CDC42BPB: variants seen among roughly 807,000 people sequenced by gnomAD.
The protein encoded by CDC42BPB is CDC42 binding protein kinase beta.
CDC42BPB carries 37 observed loss-of-function variants against 214.9 expected under a neutral mutation model. The observed-to-expected ratio is 0.17, with a 90% CI of 0.13 to 0.23. CDC42BPB has a LOEUF of 0.23. Among genes scored for constraint, CDC42BPB ranks in the 10% least tolerant of loss-of-function variants. CDC42BPB has a pLI of 1.00. For synonymous variants in CDC42BPB, 931 were observed against 884.0 expected (o/e 1.05, Z -0.94); for missense variants, 1,694 against 2,227.0 (o/e 0.76, Z 4.82).
rs1893974353 is a variant in CDC42BPB at position 102,981,041 on chromosome 14, C to T, written c.892-20G>A. 1 of 1,613,650 alleles carries T rather than the reference C, an allele frequency of 6.2e-7. No individual in the cohort carries two copies. Among genetic ancestry groups the T allele is most frequent in the Non-Finnish European group, 8.5e-7 (1 of 1,179,808 alleles). ...TCGCTCCTGCAAGGGGTGGCAAAAA[C>T]ACCGGTGGACAGGTGGACGCATTCA... On this transcript the variant is annotated intron_variant, in intron 7 of 36. Coordinates refer to ENST00000361246, the MANE Select transcript of CDC42BPB (RefSeq NM_006035.4).
rs924154033 is a variant in CDC42BPB, at chr14:102,933,550, C to G, written c.*162G>C. The G allele has an allele frequency of 1.0e-5, 6 of 586,720 alleles. No homozygotes were observed. Among genetic ancestry groups the G allele is most frequent in the Non-Finnish European group, 1.6e-5 (6 of 368,206 alleles). The allele number at this position is 586,720 out of a possible 1,614,324, so 36.3% of individuals were successfully genotyped here. ...TGGTCTACTGCCACGAACAATGCGGCATAAAACTGATCAATATTATAATAA... is the reference window on the plus strand; with the variant it reads ...TGGTCTACTGCCACGAACAATGCGGGATAAAACTGATCAATATTATAATAA... On this transcript the variant is annotated 3_prime_UTR_variant, in exon 37 of 37. Transcript: ENST00000361246.
At chr14:102,946,904 C>T in intron 27 of CDC42BPB, 1 of 983,190 alleles carries the variant, frequency 1.0e-6, no homozygotes, top group Non-Finnish European at 1.2e-6. Flanking sequence ...AGATCGCTTC[C>T]TGGTCCCATT....
intron 1 of CDC42BPB, among the ~76,000 whole-genome samples, chr14:103,048,119 G>C (rs926081039): frequency 6.6e-6 from 1 of 152,122 alleles, no homozygotes; most frequent in African/African-American, 2.4e-5. Context: ...CAGGACACCC[G>C]GCCCAGGCTG....
At chr14:102,960,564 C>T (rs966865331) in intron 20 of CDC42BPB, among the ~76,000 whole-genome samples, 1 of 151,806 alleles carries the variant, frequency 6.6e-6, no homozygotes, top group Non-Finnish European at 1.5e-5. Context: ...TGAGGCTGCA[C>T]GTGCCACTGC....
chr14:102,952,673 A>G, intron 23 of CDC42BPB, 70 bp from the exon 24 acceptor site: 1 of 1,564,064 alleles, frequency 6.4e-7, no homozygotes, highest in South Asian at 1.2e-5. Flanking sequence ...TCTGCCTGTG[A>G]TCCAGTTTAT....
intron 1 of CDC42BPB, among the ~76,000 whole-genome samples, chr14:103,056,645 A>T (rs1396440790): frequency 1.8e-5 from 2 of 109,118 alleles, no homozygotes; most frequent in East Asian, 2.9e-4. Context: ...GGGTGGATCT[A>T]GGAAGCCGCC....
In CDC42BPB at chr14:103,020,216, T is replaced by C. The variant is rs559034648; in HGVS notation, c.176-8028A>G. Among the ~76,000 whole-genome samples the C allele has an allele frequency of 3.3e-5, 5 of 152,346 alleles. No individual in the cohort carries two copies. In the South Asian group the frequency reaches 1.0e-3, roughly 32 times the overall value. Reference sequence around the variant, plus strand: ...TGGAATTGGAAAGAGTCTGACAGGTTATCCATTACGAATAATACCTTTTAC... The same window carrying C: ...TGGAATTGGAAAGAGTCTGACAGGTCATCCATTACGAATAATACCTTTTAC... On this transcript the variant is annotated intron_variant, in intron 1 of 36. Coordinates refer to ENST00000361246, the MANE Select transcript of CDC42BPB (RefSeq NM_006035.4).
At chr14:103,003,193 G>A (rs1017180708) in intron 4 of CDC42BPB, among the ~76,000 whole-genome samples, 2 of 152,122 alleles carry the variant, frequency 1.3e-5, no homozygotes, top group Admixed American at 6.6e-5. Flanking sequence ...CCCGCGTCAC[G>A]TCCACCCAGA....
chr14:103,004,053 G>A lies in CDC42BPB; in HGVS notation c.352-30C>T. Reference sequence around the variant, plus strand: ...AAAGCAACGAGGGGTGTCAGTCTGTGTTCACTGGGAAGCAGGCCAGAGAGC... The same window carrying A: ...AAAGCAACGAGGGGTGTCAGTCTGTATTCACTGGGAAGCAGGCCAGAGAGC... On this transcript the variant is annotated intron_variant, in intron 3 of 36. Transcript: ENST00000361246. This position sits in a 1 kb window ranked among gnomAD's most constrained non-coding sequence, Gnocchi z 5.3. The A allele has an allele frequency of 6.4e-7, 1 of 1,569,228 alleles. No individual in the cohort carries two copies.
At chr14:102,973,482 A>G (rs1014253979) in intron 12 of CDC42BPB, among the ~76,000 whole-genome samples, 1 of 152,210 alleles carries the variant, frequency 6.6e-6, no homozygotes, top group East Asian at 1.9e-4. Flanking sequence ...AATCACCCAG[A>G]TTTTAACACA....
intron 13 of CDC42BPB, chr14:102,970,475 GCTTA>G: frequency 1.6e-6 from 1 of 624,410 alleles, no homozygotes; most frequent in Non-Finnish European, 2.0e-6. Flanking sequence ...TTCAATTCTA[GCTTA>G]AATTGACACT....
chr14:103,037,832 C>A (rs1887751451), intron 1 of CDC42BPB, among the ~76,000 whole-genome samples: 1 of 151,870 alleles, frequency 6.6e-6, no homozygotes, highest in African/African-American at 2.4e-5. Context: ...AGATCGAGAC[C>A]ATCCTGGCTA....
chr14:102,959,784 T>A, intron 20 of CDC42BPB, 74 bp from the exon 21 acceptor site: 1 of 1,498,756 alleles, frequency 6.7e-7, no homozygotes, highest in East Asian at 2.4e-5. Context: ...AGACTCAGTG[T>A]CTTCAAGATG....
intron 1 of CDC42BPB, among the ~76,000 whole-genome samples, chr14:103,052,999 T>G (rs1888693572): frequency 1.3e-5 from 2 of 152,250 alleles, no homozygotes; most frequent in African/African-American, 2.4e-5. Flanking sequence ...AACTGTAAAG[T>G]GTTTCATATG....
At chr14:102,957,666 C>A (rs1330585068) in intron 21 of CDC42BPB, among the ~76,000 whole-genome samples, 1 of 152,230 alleles carries the variant, frequency 6.6e-6, no homozygotes, top group African/African-American at 2.4e-5. Flanking sequence ...TGAAGGTGAA[C>A]AGGTGTGCGT....
chr14:103,050,850 T>C (rs372238785), intron 1 of CDC42BPB, among the ~76,000 whole-genome samples: 1 of 152,132 alleles, frequency 6.6e-6, no homozygotes, highest in African/African-American at 2.4e-5. Context: ...ACACTGGGAA[T>C]CACCTTACAA....
chr14:103,027,701 C>T (rs1887130896), intron 1 of CDC42BPB, among the ~76,000 whole-genome samples: 1 of 152,152 alleles, frequency 6.6e-6, no homozygotes, highest in East Asian at 1.9e-4. Flanking sequence ...TTAGTGGTTG[C>T]CAGGGGCTGG....
chr14:103,030,092 C>T (rs191848690), intron 1 of CDC42BPB, among the ~76,000 whole-genome samples: 1 of 152,298 alleles, frequency 6.6e-6, no homozygotes, highest in African/African-American at 2.4e-5. Flanking sequence ...GCAAACCGCC[C>T]TCAGAGTGAG....
chr14:102,945,406 C>T (rs1892111849), intron 29 of CDC42BPB: 2 of 548,676 alleles, frequency 3.6e-6, no homozygotes, highest in Admixed American at 2.5e-5. Context: ...TGCAGCTGTT[C>T]CTCCTCCCAG....
Sources: allele counts gnomAD v4.1 joint callset (sites outside exome capture counted in the v4.1 genomes callset), GRCh38; gene constraint gnomAD v4.1.1; non-coding constraint Gnocchi (gnomAD v3.1); transcripts MANE v1.5; gene names NCBI Gene and HGNC (gene_info 2026-07-23, HGNC 2026-07-21).